RFX4: variants seen among roughly 807,000 people sequenced by gnomAD.
The protein encoded by RFX4 is regulatory factor X4.
RFX4 carries 10 observed loss-of-function variants against 95.0 expected under a neutral mutation model. The ratio of observed to expected loss-of-function variants is 0.11; its 90% CI spans 0.06 to 0.18. The LOEUF (loss-of-function observed/expected upper bound fraction) is 0.18, where lower values mean the gene tolerates loss of function less well. RFX4 is among the 10% of genes least tolerant of loss of function. The pLI, the probability that RFX4 is intolerant of heterozygous loss-of-function variation, is 1.00. For missense variants in RFX4, 640 were observed against 922.0 expected (o/e 0.69, Z 3.96); for synonymous variants, 321 against 340.7 (o/e 0.94, Z 0.64).
intron 4 of RFX4, among the ~76,000 whole-genome samples, chr12:106,677,621 A>G (rs1592927359): frequency 6.6e-6 from 1 of 152,106 alleles, no homozygotes. Context: ...AGGCAGGAGG[A>G]TCTCTTGAGC....
At chr12:106,588,213 A>C (rs544358554) in intron 1 of RFX4, among the ~76,000 whole-genome samples, 10 of 152,216 alleles carry the variant, frequency 6.6e-5, no homozygotes, top group Admixed American at 6.5e-4. Flanking sequence ...TTAAGAGTCA[A>C]TAACCATGAA....
In RFX4 at chr12:106,757,068, T is replaced by C. The variant is rs187943584; in HGVS notation, c.1936-4129T>C. 1.8e-3 allele frequency among the ~76,000 whole-genome samples: 277 copies of C among 152,356 alleles called. 1 individual carries two copies. The highest frequency in any genetic ancestry group is 6.3e-3 in the African/African-American group (263 of 41,574). On this transcript the variant is annotated intron_variant, in intron 17 of 17. Coordinates refer to ENST00000392842, the MANE Select transcript of RFX4 (RefSeq NM_213594.3). ...CTCTTGACCTTAATTATTTCATCTG[T>C]AAACCCAGAGGTAGAACCAGATGGT...
chr12:106,684,783 C>G (rs202144369), intron 5 of RFX4: 1 of 1,280,402 alleles, frequency 7.8e-7, no homozygotes, highest in African/African-American at 3.0e-5. Context: ...TCGCTCAGCA[C>G]AAAGAATTTT....
At chr12:106,604,640 A>G (rs1385316181) in intron 1 of RFX4, among the ~76,000 whole-genome samples, 1 of 152,212 alleles carries the variant, frequency 6.6e-6, no homozygotes, top group African/African-American at 2.4e-5. Context: ...CACTAATGTA[A>G]CAGTTATTGA....
At chr12:106,620,176 T>G (rs1398052206) in intron 2 of RFX4, among the ~76,000 whole-genome samples, 1 of 152,232 alleles carries the variant, frequency 6.6e-6, no homozygotes, top group South Asian at 2.1e-4. Context: ...CATAGTTTTT[T>G]ATCCAATGCT....
At chr12:106,758,919 C>T (rs1428750243) in intron 17 of RFX4, among the ~76,000 whole-genome samples, 1 of 152,242 alleles carries the variant, frequency 6.6e-6, no homozygotes, top group Non-Finnish European at 1.5e-5. Context: ...GGTTGGATCA[C>T]AGGATCCCTA....
At chr12:106,614,868 G>A (rs1277099151) in intron 2 of RFX4, among the ~76,000 whole-genome samples, 1 of 152,072 alleles carries the variant, frequency 6.6e-6, no homozygotes, top group East Asian at 1.9e-4. Context: ...GTAAGAGTTG[G>A]TTTTATATCT....
At chr12:106,621,754 A>G (rs557068776) in intron 2 of RFX4, among the ~76,000 whole-genome samples, 5 of 152,280 alleles carry the variant, frequency 3.3e-5, no homozygotes, top group African/African-American at 1.2e-4. Flanking sequence ...TCAATAGACT[A>G]TACTCTTTGC....
At chr12:106,637,976 T>A (rs1391827224) in intron 2 of RFX4, among the ~76,000 whole-genome samples, 1 of 152,122 alleles carries the variant, frequency 6.6e-6, no homozygotes, top group Non-Finnish European at 1.5e-5. Context: ...TTAATAGACA[T>A]ATATTACAAA....
At chr12:106,753,695 C>T (rs545024088) in intron 17 of RFX4, among the ~76,000 whole-genome samples, 1 of 152,184 alleles carries the variant, frequency 6.6e-6, no homozygotes, top group African/African-American at 2.4e-5. Context: ...TGAACCCAGG[C>T]GCTGTGACTC....
In RFX4 at chr12:106,588,880, C is replaced by G. The variant is rs919413496; in HGVS notation, c.43+5517C>G. On this transcript the variant is annotated intron_variant, in intron 1 of 17. Coordinates refer to ENST00000392842, the MANE Select transcript of RFX4 (RefSeq NM_213594.3). Reference sequence around the variant, plus strand: ...TTCTTTCATTTCCAACATTTTAAGACTGATTTCTAAGCCAAGTTGGTCTGT... The same window carrying G: ...TTCTTTCATTTCCAACATTTTAAGAGTGATTTCTAAGCCAAGTTGGTCTGT... 3.3e-5 allele frequency among the ~76,000 whole-genome samples: 5 copies of G among 152,148 alleles called. No homozygotes were observed. In the East Asian group the frequency reaches 9.6e-4, roughly 29 times the overall value.
Position 106,720,897 on chromosome 12 carries a change from C to CCCATCT in RFX4, c.1351+25_1351+30dup. The CCCATCT allele has an allele frequency of 6.2e-7, 1 of 1,605,408 alleles. No individual in the cohort carries two copies. The highest frequency in any genetic ancestry group is 1.3e-5 in the African/African-American group (1 of 74,824). On this transcript the variant is annotated intron_variant, in intron 13 of 17. Transcript: ENST00000392842. The surrounding 1 kb of genome is among the most constrained non-coding windows in gnomAD (Gnocchi z 4.2). ...CTTCGGTAAGGCCACCCCAGCCCTC[C>CCCATCT]CCATCTCCAAGCACTTTTTCCTCTG...
intron 4 of RFX4, among the ~76,000 whole-genome samples, chr12:106,673,874 A>G (rs1592923270): frequency 6.6e-6 from 1 of 152,344 alleles, no homozygotes; most frequent in East Asian, 1.9e-4. Flanking sequence ...GGACTACTGC[A>G]GTAGCCTTCC....
intron 2 of RFX4, among the ~76,000 whole-genome samples, chr12:106,634,915 T>C (rs1344572276): frequency 6.6e-6 from 1 of 152,248 alleles, no homozygotes; most frequent in Non-Finnish European, 1.5e-5. Flanking sequence ...CTCTCTCCTC[T>C]GCCTTTCTCT....
intron 4 of RFX4, among the ~76,000 whole-genome samples, chr12:106,679,186 A>G (rs1034328572): frequency 2.6e-5 from 4 of 152,220 alleles, no homozygotes; most frequent in Non-Finnish European, 5.9e-5. Flanking sequence ...GGCCAAGTGC[A>G]GTGGCTCACA....
chr12:106,750,818 G>T, intron 17 of RFX4, 25 bp downstream of exon 17: 3 of 1,517,998 alleles, frequency 2.0e-6, no homozygotes, highest in Non-Finnish European at 2.6e-6. Context: ...CTGGTTTCTT[G>T]GCCAGGCCTT....
At position 106,654,123 on chromosome 12, in the gene RFX4, C is replaced by T. The variant is rs575686157; in HGVS notation, c.192-105C>T. On this transcript the variant is annotated intron_variant, in intron 3 of 17. Transcript: ENST00000392842. The stretch of plus-strand genomic sequence containing the variant: ...CCAGCTTCTCCACCTGTAGAAAGAA[C>T]GTTATTTCTAAGGACTGCCCATCTC... 424 of 1,465,438 alleles carry T rather than the reference C, an allele frequency of 2.9e-4. 5 individuals carry two copies. The South Asian group carries it at 3.2e-3, about 11-fold the overall frequency. The allele number at this position is 1,465,438 out of a possible 1,614,324, so 90.8% of individuals were successfully genotyped here. A position where few individuals can be genotyped will look rare whatever the true frequency, so the allele number is the denominator to read the frequency against.
At chr12:106,741,881 C>T (rs1357600702) in intron 15 of RFX4, among the ~76,000 whole-genome samples, 2 of 152,154 alleles carry the variant, frequency 1.3e-5, no homozygotes, top group Non-Finnish European at 2.9e-5. Flanking sequence ...AGTGTGCAAC[C>T]TAGATCCCTT....
intron 2 of RFX4, among the ~76,000 whole-genome samples, chr12:106,624,878 A>G (rs1416792367): frequency 6.6e-6 from 1 of 152,174 alleles, no homozygotes; most frequent in Non-Finnish European, 1.5e-5. Flanking sequence ...CTGGCCTGCC[A>G]TAGAGTGTAT....
Sources: allele counts gnomAD v4.1 joint callset (sites outside exome capture counted in the v4.1 genomes callset), GRCh38; gene constraint gnomAD v4.1.1; non-coding constraint Gnocchi (gnomAD v3.1); transcripts MANE v1.5; gene names NCBI Gene and HGNC (gene_info 2026-07-23, HGNC 2026-07-21).